TANC1: variants seen among roughly 807,000 people sequenced by gnomAD.
The protein encoded by TANC1 is tetratricopeptide repeat, ankyrin repeat and coiled-coil containing 1.
Under a neutral mutation model 149.7 loss-of-function variants are expected in TANC1, and 77 were observed. The ratio of observed to expected loss-of-function variants is 0.51; its 90% CI spans 0.43 to 0.62. The LOEUF is 0.62. Among genes scored for constraint, TANC1 ranks in the 20% least tolerant of loss-of-function variants. TANC1 has a pLI of 0.00. For missense variants in TANC1, 1,985 were observed against 2,321.8 expected (o/e 0.85, Z 2.98); for synonymous variants, 854 against 925.0 (o/e 0.92, Z 1.39).
chr2:159,162,679 C>T (rs1378032016), intron 7 of TANC1, among the ~76,000 whole-genome samples: 1 of 152,152 alleles, frequency 6.6e-6, no homozygotes, highest in Non-Finnish European at 1.5e-5. Context: ...TTCACCTGCG[C>T]TGGATATGGG....
chr2:159,104,301 A>G (rs1272111737), intron 4 of TANC1, among the ~76,000 whole-genome samples: 4 of 95,072 alleles, frequency 4.2e-5, no homozygotes, highest in African/African-American at 1.2e-4. Flanking sequence ...TCCCCTGCCA[A>G]TGAGTCCTGG....
chr2:159,188,183 A>G (rs1343397151), intron 16 of TANC1, among the ~76,000 whole-genome samples: 3 of 152,318 alleles, frequency 2.0e-5, no homozygotes, highest in African/African-American at 7.2e-5. Flanking sequence ...AGGGGGGAAA[A>G]CGGTTTTCAC....
rs146624053 is a variant in TANC1, at chr2:159,038,996, G to A, written c.-15-26900G>A. ...GTCTGGTCCTGGACTTTTTTTGATTGGTAGGCTATTAATTATTGCCTCAAT... is the reference window on the plus strand; with the variant it reads ...GTCTGGTCCTGGACTTTTTTTGATTAGTAGGCTATTAATTATTGCCTCAAT... On this transcript the variant is annotated intron_variant, in intron 2 of 26. Coordinates refer to ENST00000263635, the MANE Select transcript of TANC1 (RefSeq NM_033394.3). Among the ~76,000 whole-genome samples the A allele has an allele frequency of 6.8e-3, 1,029 of 152,170 alleles. 11 individuals are homozygous for A. The highest frequency in any genetic ancestry group is 0.023 in the African/African-American group (956 of 41,518).
chr2:159,009,647 C>T (rs898832866), intron 2 of TANC1, among the ~76,000 whole-genome samples: 1 of 152,134 alleles, frequency 6.6e-6, no homozygotes, highest in Non-Finnish European at 1.5e-5. Flanking sequence ...TACAAAATCA[C>T]AGCTAGATAG....
chr2:159,048,419 A>G (rs55659330), intron 2 of TANC1, among the ~76,000 whole-genome samples: 9,820 of 152,248 alleles, frequency 0.065, 431 homozygotes, highest in Middle Eastern at 0.12. Context: ...GGCCTGAGAC[A>G]AGGACAGTAG....
intron 2 of TANC1, among the ~76,000 whole-genome samples, chr2:159,016,189 C>G (rs895699377): frequency 6.6e-6 from 1 of 152,320 alleles, no homozygotes; most frequent in Admixed American, 6.5e-5. Context: ...TAAGAAGGAA[C>G]AAGTCCCATC....
intron 2 of TANC1, among the ~76,000 whole-genome samples, chr2:159,050,412 T>A (rs982346000): frequency 6.6e-6 from 1 of 152,236 alleles, no homozygotes; most frequent in African/African-American, 2.4e-5. Flanking sequence ...TTAAACCAGG[T>A]TATCAGAACA....
chr2:159,100,956 C>G (rs1288988728), intron 4 of TANC1, among the ~76,000 whole-genome samples: 1 of 152,124 alleles, frequency 6.6e-6, no homozygotes, highest in Non-Finnish European at 1.5e-5. Context: ...AGCACTGTTG[C>G]TGCTAATGAT....
At chr2:159,193,191 A>G (rs1164316370) in intron 16 of TANC1, among the ~76,000 whole-genome samples, 1 of 152,134 alleles carries the variant, frequency 6.6e-6, no homozygotes, top group Admixed American at 6.5e-5. Context: ...TGATTACTGT[A>G]TATATCTCAT....
intron 24 of TANC1, chr2:159,226,992 A>G (rs1241049046): frequency 6.6e-6 from 1 of 152,240 alleles, no homozygotes; most frequent in Non-Finnish European, 1.5e-5. Flanking sequence ...GAATTAAAAG[A>G]TTATAGGGGA....
chr2:159,010,739 T>C (rs1318018417), intron 2 of TANC1, among the ~76,000 whole-genome samples: 1 of 151,480 alleles, frequency 6.6e-6, no homozygotes. Context: ...TTTTTTTTTT[T>C]AATGAAAGCC....
At position 159,149,818 on chromosome 2, in the gene TANC1, G is replaced by A. The variant is rs73002937; in HGVS notation, c.495+546G>A. 1,648 of 171,612 alleles carry A rather than the reference G, an allele frequency of 9.6e-3. 32 individuals carry two copies. Among genetic ancestry groups the A allele is most frequent in the African/African-American group, 0.037 (1,527 of 41,764 alleles). The allele number at this position is 171,612 out of a possible 1,614,324, so 10.6% of individuals were successfully genotyped here. A position where few individuals can be genotyped will look rare whatever the true frequency, so the allele number is the denominator to read the frequency against. On this transcript the variant is annotated intron_variant, in intron 6 of 26. Coordinates refer to ENST00000263635, the MANE Select transcript of TANC1 (RefSeq NM_033394.3). ...ATGTGTGCATCTGAATAGCAATGCA[G>A]GATGGAGCTTCTACCCTGGTGAAGG...
chr2:159,218,812 T>G (rs1170942989), intron 20 of TANC1, among the ~76,000 whole-genome samples: 1 of 152,208 alleles, frequency 6.6e-6, no homozygotes, highest in Non-Finnish European at 1.5e-5. Flanking sequence ...GCGAGCTTCT[T>G]TCTGCGACCC....
At chr2:159,195,664 T>C (rs1402929324) in intron 17 of TANC1, among the ~76,000 whole-genome samples, 1 of 152,128 alleles carries the variant, frequency 6.6e-6, no homozygotes, top group African/African-American at 2.4e-5. Flanking sequence ...CTTCAGTTCA[T>C]GGAGAAGGAA....
At chr2:159,213,994 C>T (rs1266993218) in intron 19 of TANC1, among the ~76,000 whole-genome samples, 2 of 151,858 alleles carry the variant, frequency 1.3e-5, no homozygotes, top group Non-Finnish European at 2.9e-5. Flanking sequence ...GGCTTGGGGG[C>T]TCGTGCCTGT....
At position 159,087,472 on chromosome 2, in the gene TANC1, T is replaced by G. The variant is rs1390186501; in HGVS notation, c.62-10165T>G. ...GTTGCTTTTTTTGTTTTTCCGTTTTTTTTTTTTTTTGTCGTTGTTTGTTGT... is the reference window on the plus strand; with the variant it reads ...GTTGCTTTTTTTGTTTTTCCGTTTTGTTTTTTTTTTGTCGTTGTTTGTTGT... On this transcript the variant is annotated intron_variant, in intron 3 of 26. Transcript: ENST00000263635. 6.4e-4 allele frequency among the ~76,000 whole-genome samples: 96 copies of G among 150,872 alleles called. 1 individual carries two copies. In the Middle Eastern group the frequency reaches 0.01, roughly 16 times the overall value.
chr2:159,203,741 AT>A (rs1297189498), intron 19 of TANC1, among the ~76,000 whole-genome samples: 1 of 151,576 alleles, frequency 6.6e-6, no homozygotes, highest in Non-Finnish European at 1.5e-5. Flanking sequence ...TAATTTTTGT[AT>A]TTTTTTGTAG....
intron 2 of TANC1, among the ~76,000 whole-genome samples, chr2:159,045,772 C>T (rs2040990228): frequency 6.6e-6 from 1 of 152,168 alleles, no homozygotes; most frequent in Non-Finnish European, 1.5e-5. Context: ...ACACTGCCAA[C>T]CCAAACATTC....
chr2:159,150,897 A>G (rs1294713273), intron 7 of TANC1: 1 of 195,920 alleles, frequency 5.1e-6, no homozygotes, highest in African/African-American at 2.3e-5. Context: ...CAGCAGAGCA[A>G]TGAAATTCCT....
Sources: allele counts gnomAD v4.1 joint callset (sites outside exome capture counted in the v4.1 genomes callset), GRCh38; gene constraint gnomAD v4.1.1; transcripts MANE v1.5; gene names NCBI Gene and HGNC (gene_info 2026-07-23, HGNC 2026-07-21).